CYB5A: variants seen among roughly 807,000 people sequenced by gnomAD.
CYB5A encodes cytochrome b5.
A neutral mutation model predicts 16.2 loss-of-function variants in CYB5A; 10 were observed. The ratio of observed to expected loss-of-function variants is 0.62; its 90% CI spans 0.38 to 1.04. The LOEUF is 1.04. CYB5A is among the 50% of genes least tolerant of loss of function. CYB5A has a pLI of 0.01. For synonymous variants in CYB5A, 62 were observed against 57.0 expected (o/e 1.09, Z -0.40); for missense variants, 161 against 165.9 (o/e 0.97, Z 0.16).
At chr18:74,279,847 T>C (rs1431597582) in intron 1 of CYB5A, among the ~76,000 whole-genome samples, 3 of 152,238 alleles carry the variant, frequency 2.0e-5, no homozygotes, top group Admixed American at 6.5e-5. Context: ...TCTTATTCAA[T>C]CAATAAATAA....
intron 4 of CYB5A, among the ~76,000 whole-genome samples, chr18:74,254,926 T>C (rs373561982): frequency 2.0e-5 from 3 of 152,250 alleles, no homozygotes; most frequent in East Asian, 3.8e-4. Context: ...AGACTTGGTA[T>C]ACATATGTGT....
intron 1 of CYB5A, among the ~76,000 whole-genome samples, chr18:74,282,707 T>C (rs1403042108): frequency 6.6e-6 from 1 of 152,046 alleles, no homozygotes; most frequent in East Asian, 1.9e-4. Context: ...GTTTGGCTTG[T>C]TTGAGAAACA....
At chr18:74,266,802 G>A (rs1354232461) in intron 1 of CYB5A, among the ~76,000 whole-genome samples, 7 of 145,128 alleles carry the variant, frequency 4.8e-5, no homozygotes, top group African/African-American at 1.3e-4. Context: ...TGGTTTCACT[G>A]ATAACTCATG....
Position 74,286,833 on chromosome 18 carries a change from C to T in CYB5A, c.129+4914G>A, listed in dbSNP as rs1230085506. 1.1e-4 allele frequency among the ~76,000 whole-genome samples: 17 copies of T among 152,200 alleles called. No individual in the cohort carries two copies. In the East Asian group the frequency reaches 1.9e-3, roughly 17 times the overall value. ...TATTTATTCCTTGATTGACCAAAGCCGGCTTGCATGTGTTTTCCCTTCCTT... is the reference window on the plus strand; with the variant it reads ...TATTTATTCCTTGATTGACCAAAGCTGGCTTGCATGTGTTTTCCCTTCCTT... On this transcript the variant is annotated intron_variant, in intron 1 of 4. Transcript: ENST00000340533.
intron 1 of CYB5A, among the ~76,000 whole-genome samples, chr18:74,272,420 C>G (rs1982704157): frequency 6.6e-6 from 1 of 152,148 alleles, no homozygotes; most frequent in Non-Finnish European, 1.5e-5. Context: ...ATTGAGCACC[C>G]TTTCTGCAGA....
At position 74,260,945 on chromosome 18, in the gene CYB5A, C is replaced by G; in HGVS notation, c.259-1G>C. On this transcript the variant is annotated splice_acceptor_variant, in intron 2 of 4. Transcript: ENST00000340533. LOFTEE classifies it high-confidence loss of function. ...GCTTGTTTAACTTTGGTCTGTCATC[C>G]TGCAATGAAAAGATAAGGCACATTA... 6.2e-7 allele frequency: 1 copy of G among 1,611,588 alleles called. No homozygotes were observed. Among genetic ancestry groups the G allele is most frequent in the Non-Finnish European group, 8.5e-7 (1 of 1,177,882 alleles).
chr18:74,256,680 T>TC (rs939579064), intron 3 of CYB5A: 2 of 722,484 alleles, frequency 2.8e-6, no homozygotes, highest in African/African-American at 1.8e-5. Context: ...ATCTGCAGTT[T>TC]CCCAAAGCAA....
chr18:74,284,336 T>A (rs1390039046), intron 1 of CYB5A, among the ~76,000 whole-genome samples: 1 of 151,700 alleles, frequency 6.6e-6, no homozygotes, highest in African/African-American at 2.4e-5. Flanking sequence ...TGAATGTCCA[T>A]AAACATTCAG....
chr18:74,256,644 A>T (rs1280951055), intron 3 of CYB5A: 1 of 596,474 alleles, frequency 1.7e-6, no homozygotes, highest in African/African-American at 1.9e-5. Context: ...CTCAAACAGA[A>T]GTTGCCATAA....
At chr18:74,268,794 G>A (rs894783108) in intron 1 of CYB5A, among the ~76,000 whole-genome samples, 1 of 152,144 alleles carries the variant, frequency 6.6e-6, no homozygotes, top group Non-Finnish European at 1.5e-5. Context: ...CTGAGAACAG[G>A]TGTCAGGCAG....
intron 3 of CYB5A, chr18:74,258,848 A>G (rs2145041259): frequency 6.6e-6 from 1 of 152,358 alleles, no homozygotes; most frequent in South Asian, 2.1e-4. Flanking sequence ...AAGAGAGTAA[A>G]AACATCTACT....
At position 74,291,915 on chromosome 18, in the gene CYB5A, G is replaced by A. The variant is rs1362063126; in HGVS notation, c.-40C>T. ...AGCCAGGCCCAGCACACACAGCCCC[G>A]TCGGGTGGAGCAGAGCGCGCGACTC... On this transcript the variant is annotated 5_prime_UTR_variant, in exon 1 of 5. The change creates a new upstream start codon in the 5' untranslated region. Transcript: ENST00000340533. The A allele has an allele frequency of 2.5e-6, 4 of 1,606,616 alleles. No individual in the cohort carries two copies. The highest frequency in any genetic ancestry group is 2.5e-6 in the Non-Finnish European group (3 of 1,179,718).
At chr18:74,290,653 C>G (rs1198134427) in intron 1 of CYB5A, among the ~76,000 whole-genome samples, 2 of 152,182 alleles carry the variant, frequency 1.3e-5, no homozygotes, top group African/African-American at 4.8e-5. Flanking sequence ...TTTTTGTCCC[C>G]TGCTCCCCGA....
chr18:74,261,106 A>G (rs1015637333), intron 2 of CYB5A, 162 bp from the exon 3 acceptor site: 3 of 630,420 alleles, frequency 4.8e-6, no homozygotes, highest in Admixed American at 2.4e-5. Flanking sequence ...CTGATTTAAC[A>G]GCAAAAATTA....
At chr18:74,272,868 G>C (rs1416188924) in intron 1 of CYB5A, among the ~76,000 whole-genome samples, 3 of 152,170 alleles carry the variant, frequency 2.0e-5, no homozygotes, top group Non-Finnish European at 4.4e-5. Context: ...GTTGCAGTGA[G>C]CTGAGATCAC....
chr18:74,286,124 C>T (rs1465266154), intron 1 of CYB5A, among the ~76,000 whole-genome samples: 2 of 152,212 alleles, frequency 1.3e-5, no homozygotes, highest in African/African-American at 2.4e-5. Flanking sequence ...AGCACATCCA[C>T]GAGCAAGGTG....
chr18:74,272,590 G>T (rs1206089909), intron 1 of CYB5A, among the ~76,000 whole-genome samples: 1 of 152,188 alleles, frequency 6.6e-6, no homozygotes, highest in Non-Finnish European at 1.5e-5. Context: ...TGCAAGCAGA[G>T]TTTCTCTTAT....
At position 74,291,861 on chromosome 18, in the gene CYB5A, C is replaced by T. The variant is rs756018585; in HGVS notation, c.15G>A (p.Ser5=). The change falls in exon 1 of 5, where the codon TCG becomes TCA. Residue 5 remains serine (S), a synonymous_variant. Coordinates refer to ENST00000340533, the MANE Select transcript of CYB5A (RefSeq NM_148923.4). ...GGGTGTAGTACTTCACGGCCTCGTCCGACTGCTCTGCCATCTCGGTTCGCC... is the reference window on the plus strand; with the variant it reads ...GGGTGTAGTACTTCACGGCCTCGTCTGACTGCTCTGCCATCTCGGTTCGCC... MAEQ[S]DEAVKYYTLE... 14 of 1,613,048 alleles carry T rather than the reference C, an allele frequency of 8.7e-6. No individual in the cohort carries two copies. In the East Asian group the frequency reaches 1.8e-4, roughly 21 times the overall value.
intron 1 of CYB5A, among the ~76,000 whole-genome samples, chr18:74,271,928 TG>T (rs1225091526): frequency 6.6e-6 from 1 of 152,220 alleles, no homozygotes; most frequent in African/African-American, 2.4e-5. Flanking sequence ...AAGCCTGACC[TG>T]TTTCACCATC....
Sources: gnomAD v4.1 joint callset for allele counts (sites outside exome capture counted in the v4.1 genomes callset) on GRCh38, gnomAD v4.1.1 for gene constraint, MANE v1.5 for transcripts, NCBI Gene and HGNC (gene_info 2026-07-23, HGNC 2026-07-21) for gene names.